TMC3: variants seen among roughly 807,000 people sequenced by gnomAD.
TMC3 encodes transmembrane channel like 3, also known as transmembrane channel-like protein 3.
A neutral mutation model predicts 110.6 loss-of-function variants in TMC3; 98 were observed. That is an observed-to-expected ratio of 0.89 (90% CI 0.75 to 1.05). The LOEUF (loss-of-function observed/expected upper bound fraction) is 1.05, where lower values mean the gene tolerates loss of function less well. Ranked by LOEUF, TMC3 falls within the 50% of genes least tolerant of loss-of-function variation. The pLI, the probability that TMC3 is intolerant of heterozygous loss-of-function variation, is 0.00. For synonymous variants in TMC3, 489 were observed against 513.1 expected (o/e 0.95, Z 0.63); for missense variants, 1,319 against 1,373.2 (o/e 0.96, Z 0.62).
Position 81,346,391 on chromosome 15 carries a change from C to T in TMC3, c.1246G>A (p.Asp416Asn). 2 of 1,613,704 alleles carry T rather than the reference C, an allele frequency of 1.2e-6. No individual in the cohort carries two copies. The highest frequency in any genetic ancestry group is 1.7e-6 in the Non-Finnish European group (2 of 1,179,830). The change falls in exon 12 of 22, where the codon GAC becomes AAC. Residue 416 changes from aspartate to asparagine, a missense_variant. Asp to Asn is a conservative substitution (Grantham distance 23). Coordinates refer to ENST00000359440, the MANE Select transcript of TMC3 (RefSeq NM_001080532.3). ...TCAATGCTCATGCTGTTAACTTTGT[C>T]CAGGAGAGCAATGATCAGGCTGTAG... ...NLYSLIIALL[D>N]KVNSMSIEEM...
At chr15:81,368,995 C>A (rs1033519840) in intron 2 of TMC3, among the ~76,000 whole-genome samples, 3 of 152,166 alleles carry the variant, frequency 2.0e-5, no homozygotes, top group African/African-American at 4.8e-5. Flanking sequence ...CATGGACAGA[C>A]TGAAGTCAAG....
At position 81,344,822 on chromosome 15, in the gene TMC3, T is replaced by C. The variant is rs763575401; in HGVS notation, c.1462A>G (p.Thr488Ala). The part of the protein sequence containing the change: ...YTMPLIKANK[T>A]SLHTQSPQDQ... ...TGTGGACTCTGAGTGTGGAGGCTAG[T>C]CTTGTTGGCCTTTATAAGAGGCATG... Residue 488 changes from threonine (T) to alanine (A), a missense_variant, in exon 13 of 22, where the codon ACT (threonine) becomes GCT (alanine). Coordinates refer to ENST00000359440, the MANE Select transcript of TMC3 (RefSeq NM_001080532.3). The C allele has an allele frequency of 2.5e-5, 41 of 1,613,790 alleles. No individual in the cohort carries two copies. Among genetic ancestry groups the C allele is most frequent in the Non-Finnish European group, 3.3e-5 (39 of 1,179,886 alleles).
chr15:81,334,689 G>T, intron 21 of TMC3, 31 bp downstream of exon 21: 1 of 1,593,092 alleles, frequency 6.3e-7, no homozygotes, highest in South Asian at 1.1e-5. Context: ...TCACATTCCA[G>T]GTTTTAATCT....
At chr15:81,360,562 A>C (rs1381912058) in intron 4 of TMC3, among the ~76,000 whole-genome samples, 4 of 152,328 alleles carry the variant, frequency 2.6e-5, no homozygotes, top group Middle Eastern at 3.4e-3. Context: ...ATTTGGCTAC[A>C]GGTGATTCGT....
At chr15:81,360,274 A>G (rs2141718792) in intron 4 of TMC3, among the ~76,000 whole-genome samples, 1 of 152,332 alleles carries the variant, frequency 6.6e-6, no homozygotes, top group Admixed American at 6.5e-5. Context: ...ACCCTCCACA[A>G]TTATTCTATA....
At position 81,344,028 on chromosome 15, in the gene TMC3, G is replaced by T; in HGVS notation, c.1536C>A (p.Ser512=). 2 of 1,610,748 alleles carry T rather than the reference G, an allele frequency of 1.2e-6. No homozygotes were observed. The highest frequency in any genetic ancestry group is 1.7e-6 in the Non-Finnish European group (2 of 1,178,856). The change falls in exon 14 of 22, where the codon TCC becomes TCA. Residue 512 remains serine (S), a synonymous_variant. Coordinates refer to ENST00000359440, the MANE Select transcript of TMC3 (RefSeq NM_001080532.3). The part of the protein sequence containing the change: ...TYVGQEMLKL[S]IIDMLFTVAS... ...CCACGGTGAAGAGCATGTCAATGATGGAGAGCTTCAGCATCTCCTGAAACA... is the reference window on the plus strand; with the variant it reads ...CCACGGTGAAGAGCATGTCAATGATTGAGAGCTTCAGCATCTCCTGAAACA...
In TMC3 at chr15:81,368,328, T is replaced by TG; in HGVS notation, c.237-1_237insC (p.Arg79SerfsTer11). 6.2e-7 allele frequency: 1 copy of TG among 1,612,422 alleles called. No individual in the cohort carries two copies. Among genetic ancestry groups the TG allele is most frequent in the Non-Finnish European group, 8.5e-7 (1 of 1,178,670 alleles). ...ACTTCAGCACAATGTTCTTCGCTTG[T>TG]CTAAGAGAAGAAAAACATGATGGTG... On this transcript the variant is annotated frameshift_variant and splice_region_variant. Transcript: ENST00000359440. LOFTEE classifies it high-confidence loss of function.
At chr15:81,372,411 G>C (rs1363483682) in intron 2 of TMC3, among the ~76,000 whole-genome samples, 180 bp downstream of exon 2, 5 of 137,006 alleles carry the variant, frequency 3.6e-5, no homozygotes, top group Admixed American at 1.5e-4. Context: ...CACACACAGA[G>C]GAACTGGCTT....
In TMC3 at chr15:81,362,446, A is replaced by C. The variant is rs1363397404; in HGVS notation, c.313-145T>G. On this transcript the variant is annotated intron_variant, in intron 3 of 21. Coordinates refer to ENST00000359440, the MANE Select transcript of TMC3 (RefSeq NM_001080532.3). ...ATGGCTTCATAGGCCTTTAAGCTGC[A>C]CTAGAACCAAAGTAGCTCCCTTGTC... The C allele has an allele frequency of 4.8e-6, 3 of 624,392 alleles. No individual in the cohort carries two copies. The African/African-American group carries it at 5.6e-5, about 12-fold the overall frequency. The allele number at this position is 624,392 out of a possible 1,614,324, so 38.7% of individuals were successfully genotyped here.
intron 7 of TMC3, among the ~76,000 whole-genome samples, chr15:81,357,688 A>C (rs946054013): frequency 5.9e-5 from 9 of 152,160 alleles, no homozygotes; most frequent in Non-Finnish European, 7.3e-5. Flanking sequence ...GCCTTTGCAG[A>C]ATTTGTAGCT....
chr15:81,339,128 G>A lies in TMC3; in HGVS notation c.1955+266C>T, dbSNP rs1259259994. Among the ~76,000 whole-genome samples, 4 of 152,198 alleles carry A rather than the reference G, an allele frequency of 2.6e-5. No homozygotes were observed. The East Asian group carries it at 7.7e-4, about 29-fold the overall frequency. On this transcript the variant is annotated intron_variant, in intron 17 of 21. Transcript: ENST00000359440. ...TAAAAGCTTTCTGTGTTTTGACCAG[G>A]TAGAATGTCCTCTAGCACAGAACAA... is the stretch of plus-strand genomic sequence containing the variant.
At chr15:81,348,146 T>TA (rs1333491590) in intron 11 of TMC3, among the ~76,000 whole-genome samples, 1 of 152,262 alleles carries the variant, frequency 6.6e-6, no homozygotes, top group Non-Finnish European at 1.5e-5. Flanking sequence ...GTAGTGGTGA[T>TA]AGAGACTGTG....
rs771941146 is a variant in TMC3 at position 81,351,767 on chromosome 15, A to G, written c.1010T>C (p.Ile337Thr). Reference sequence around the variant, plus strand: ...CTGGGACCGGTCCACCACAAAGTAGATGAGATAAATGCTCCCAGCCAGTGA... The same window carrying G: ...CTGGGACCGGTCCACCACAAAGTAGGTGAGATAAATGCTCCCAGCCAGTGA... Reference protein sequence around the residue: ...LLSLAGSIYLIYFVVDRSQKL... With the variant: ...LLSLAGSIYLTYFVVDRSQKL... The change falls in exon 10 of 22, where the codon ATC (isoleucine) becomes ACC (threonine). Residue 337 changes from isoleucine to threonine, a missense_variant. Physicochemically the swap from Ile to Thr is moderately conservative, Grantham distance 89 (BLOSUM62 -1). Coordinates refer to ENST00000359440, the MANE Select transcript of TMC3 (RefSeq NM_001080532.3). 6.2e-7 allele frequency: 1 copy of G among 1,603,704 alleles called. No individual in the cohort carries two copies.
chr15:81,367,912 T>C (rs1355622176), intron 3 of TMC3, among the ~76,000 whole-genome samples: 1 of 152,004 alleles, frequency 6.6e-6, no homozygotes, highest in African/African-American at 2.4e-5. Flanking sequence ...CTCACATGTG[T>C]GTGTGTTTTT....
chr15:81,372,872 T>TGC, intron 1 of TMC3, 135 bp from the exon 2 acceptor site: 1 of 414,918 alleles, frequency 2.4e-6, no homozygotes, highest in Non-Finnish European at 3.7e-6. Flanking sequence ...TGTTTGTGCG[T>TGC]GTGTGTGTGT....
chr15:81,369,452 A>C (rs57770084), intron 2 of TMC3, among the ~76,000 whole-genome samples: 11,413 of 152,262 alleles, frequency 0.075, 470 homozygotes, highest in African/African-American at 0.11. Context: ...CATGACTACC[A>C]TGTTGGGACC....
intron 14 of TMC3, among the ~76,000 whole-genome samples, 172 bp downstream of exon 14, chr15:81,343,745 C>CAA (rs377587040): frequency 3.4e-5 from 4 of 117,784 alleles, no homozygotes; most frequent in South Asian, 5.4e-4. Flanking sequence ...AAAAAACAGA[C>CAA]AAAAAAAAAA....
intron 10 of TMC3, 77 bp from the exon 11 acceptor site, chr15:81,349,644 T>G: frequency 1.3e-6 from 1 of 795,804 alleles, no homozygotes; most frequent in Non-Finnish European, 1.8e-6. Flanking sequence ...TTTGATCTCT[T>G]TCCCTAATAT....
intron 2 of TMC3, among the ~76,000 whole-genome samples, chr15:81,370,856 A>T (rs1894418686): frequency 6.6e-6 from 1 of 151,790 alleles, no homozygotes; most frequent in Non-Finnish European, 1.5e-5. Flanking sequence ...TGTATTTTTA[A>T]TAGAGACAGG....
Sources: gnomAD v4.1 joint callset for allele counts (sites outside exome capture counted in the v4.1 genomes callset) on GRCh38, gnomAD v4.1.1 for gene constraint, MANE v1.5 for transcripts, NCBI Gene and HGNC (gene_info 2026-07-23, HGNC 2026-07-21) for gene names.